The following EPB41 variants were observed in gnomAD, a reference collection of about 807,000 sequenced individuals.
EPB41 encodes protein 4.1.
In EPB41, 65 loss-of-function variants were observed where a neutral mutation model predicts 108.0. The ratio of observed to expected loss-of-function variants is 0.60; its 90% CI spans 0.49 to 0.74. The LOEUF is 0.74. EPB41 is among the 30% of genes least tolerant of loss of function. The pLI, the probability that EPB41 is intolerant of heterozygous loss-of-function variation, is 0.00. For synonymous variants in EPB41, 336 were observed against 358.9 expected, an observed-to-expected ratio of 0.94 and a Z score of 0.72; for missense variants, 875 against 1,037.0, an observed-to-expected ratio of 0.84 and a Z score of 2.15.
chr1:28,940,512 C>T (rs537595470), intron 1 of EPB41, among the ~76,000 whole-genome samples: 1 of 152,090 alleles, frequency 6.6e-6, no homozygotes, highest in African/African-American at 2.4e-5. Context: ...ATTAGCCGGG[C>T]GTGGTGGCGG....
intron 16 of EPB41, chr1:29,068,690 C>T (rs1194950339): frequency 2.6e-6 from 3 of 1,176,252 alleles, no homozygotes; most frequent in Non-Finnish European, 3.2e-6. Context: ...ATTGTTGTTG[C>T]ATTGCAAGGC....
chr1:28,982,278 C>G, intron 1 of EPB41: 1 of 541,200 alleles, frequency 1.8e-6, no homozygotes, highest in South Asian at 1.6e-5. Flanking sequence ...AACAAAGCAT[C>G]TAAAACCACA....
In EPB41 at chr1:29,116,843, C is replaced by T. The variant is rs771435427; in HGVS notation, c.*31C>T. On this transcript the variant is annotated 3_prime_UTR_variant, in exon 21 of 21. Transcript: ENST00000343067. Reference sequence around the variant, plus strand: ...GGAACTAACCTACCCCAACTCTGCCCTTCTCCCATCCAAGAGAAACCAGCA... The same window carrying T: ...GGAACTAACCTACCCCAACTCTGCCTTTCTCCCATCCAAGAGAAACCAGCA... The T allele has an allele frequency of 3.9e-5, 6 of 152,168 alleles. No homozygotes were observed. Among genetic ancestry groups the T allele is most frequent in the Admixed American group, 1.3e-4 (2 of 15,272 alleles). 9.4% of individuals were successfully genotyped at this position (152,168 alleles called of 1,614,324 possible).
intron 11 of EPB41, among the ~76,000 whole-genome samples, chr1:29,043,569 A>T (rs1276048565): frequency 1.3e-5 from 2 of 152,244 alleles, no homozygotes; most frequent in Non-Finnish European, 2.9e-5. Flanking sequence ...TAGCTCACAT[A>T]TCAGACAGCA....
chr1:28,992,108 CAGT>C (rs2096035876), intron 2 of EPB41, among the ~76,000 whole-genome samples: 2 of 152,094 alleles, frequency 1.3e-5, no homozygotes, highest in South Asian at 4.1e-4. Context: ...ATATGAAAGA[CAGT>C]AGAGCGGGCA....
intron 10 of EPB41, among the ~76,000 whole-genome samples, chr1:29,038,163 AT>A (rs1640208794): frequency 3.3e-5 from 5 of 152,366 alleles, no homozygotes; most frequent in African/African-American, 1.2e-4. Flanking sequence ...AAGGAAATTA[AT>A]ATTTCAATTA....
intron 1 of EPB41, among the ~76,000 whole-genome samples, chr1:28,898,875 T>C (rs183440736): frequency 5.6e-4 from 86 of 152,292 alleles, no homozygotes; most frequent in Non-Finnish European, 1.0e-3. Context: ...ATTTAGAAAA[T>C]AGCTTTATTT....
chr1:29,006,657 T>C (rs1412157994), intron 4 of EPB41, among the ~76,000 whole-genome samples: 4 of 152,002 alleles, frequency 2.6e-5, no homozygotes, highest in Admixed American at 2.0e-4. Flanking sequence ...CAACCCCTTA[T>C]CAGTTGTTAC....
At chr1:28,913,411 C>G (rs2092363215), upstream of EPB41, among the ~76,000 whole-genome samples, 1 of 152,088 alleles carries the variant, frequency 6.6e-6, no homozygotes, top group Non-Finnish European at 1.5e-5. Context: ...GCACTCCAGC[C>G]TGGTGACAGA....
rs577438048 is a variant in EPB41 at position 29,051,676 on chromosome 1, C to G, written c.1637-1428C>G. On this transcript the variant is annotated intron_variant, in intron 11 of 20. Transcript: ENST00000343067. ...CTTTGGGAGGCCAAGGCAGGCAGATCACTTGAGGTCAGGAGTTCAAGACCA... is the reference window on the plus strand; with the variant it reads ...CTTTGGGAGGCCAAGGCAGGCAGATGACTTGAGGTCAGGAGTTCAAGACCA... Among the ~76,000 whole-genome samples the G allele has an allele frequency of 2.6e-5, 4 of 152,124 alleles. No homozygotes were observed. The South Asian group carries it at 8.3e-4, about 32-fold the overall frequency.
rs561999222 is a variant in EPB41 at position 28,958,577 on chromosome 1, C to T, written c.-7-28854C>T. The stretch of plus-strand genomic sequence containing the variant: ...CTGTAATCCCAGCACTTTGGGAGGC[C>T]GAGGCGGGTGGATCACTTGAGGTCA... On this transcript the variant is annotated intron_variant, in intron 1 of 20. Coordinates refer to ENST00000343067, the MANE Select transcript of EPB41 (RefSeq NM_001376013.1). Among the ~76,000 whole-genome samples, 9 of 151,900 alleles carry T rather than the reference C, an allele frequency of 5.9e-5. No individual in the cohort carries two copies. The East Asian group carries it at 9.7e-4, about 16-fold the overall frequency.
At chr1:28,970,883 C>T (rs1012428548) in intron 1 of EPB41, among the ~76,000 whole-genome samples, 68 of 152,342 alleles carry the variant, frequency 4.5e-4, no homozygotes, top group African/African-American at 1.4e-3. Flanking sequence ...GAGTCTTGCT[C>T]TGTCGCCCAG....
At chr1:28,921,959 T>TAC (rs1377328452) in intron 1 of EPB41, among the ~76,000 whole-genome samples, 1 of 114,852 alleles carries the variant, frequency 8.7e-6, no homozygotes, top group African/African-American at 3.4e-5. Context: ...TATATATATA[T>TAC]ATACACTTTT....
At position 29,109,384 on chromosome 1, in the gene EPB41, C is replaced by T. The variant is rs1668397912; in HGVS notation, c.2362C>T (p.Gln788Ter). 6.2e-7 allele frequency: 1 copy of T among 1,613,964 alleles called. No homozygotes were observed. Among genetic ancestry groups the T allele is most frequent in the Non-Finnish European group, 8.5e-7 (1 of 1,180,012 alleles). The change falls in exon 18 of 21, where the codon CAA (glutamine) becomes TAA (stop). Residue 788 changes from glutamine to a stop codon, truncating the protein, a stop_gained. Transcript: ENST00000343067. LOFTEE classifies it high-confidence loss of function. ...DLDPGVLLTAQTITSETPSST... is the reference protein window; with the variant it reads ...DLDPGVLLTA Reference sequence around the variant, plus strand: ...GGACCCAGGAGTCTTGCTGACAGCTCAAACTATCACATCTGAGACCCCAAG... The same window carrying T: ...GGACCCAGGAGTCTTGCTGACAGCTTAAACTATCACATCTGAGACCCCAAG...
At chr1:29,028,195 T>C (rs1315042475) in intron 7 of EPB41, among the ~76,000 whole-genome samples, 2 of 152,226 alleles carry the variant, frequency 1.3e-5, no homozygotes, top group Admixed American at 1.3e-4. Context: ...AATTTAAATC[T>C]GTATTCAAAT....
Position 29,053,488 on chromosome 1 carries a change from A to G in EPB41, c.1845+176A>G. 8.0e-6 allele frequency: 6 copies of G among 747,898 alleles called. No individual in the cohort carries two copies. The South Asian group carries it at 9.4e-5, about 12-fold the overall frequency. The allele number at this position is 747,898 out of a possible 1,614,324, so 46.3% of individuals were successfully genotyped here. ...ACCTATAAAATATTTTCGTAGAGTT[A>G]TGTCAGTAAGACTGTAAGCTATCTC... On this transcript the variant is annotated intron_variant, in intron 12 of 20. Transcript: ENST00000343067.
At chr1:29,104,064 C>T (rs967523718) in intron 17 of EPB41, among the ~76,000 whole-genome samples, 3 of 152,188 alleles carry the variant, frequency 2.0e-5, no homozygotes, top group Admixed American at 2.0e-4. Flanking sequence ...TGAACCTGCC[C>T]TGTCACTAGT....
intron 16 of EPB41, among the ~76,000 whole-genome samples, chr1:29,083,968 G>T: frequency 6.6e-6 from 1 of 152,200 alleles, no homozygotes. Flanking sequence ...TAATTTAAGT[G>T]ACTATGATAT....
intron 1 of EPB41, among the ~76,000 whole-genome samples, chr1:28,934,362 C>T (rs1288381576): frequency 1.3e-5 from 2 of 152,086 alleles, no homozygotes; most frequent in African/African-American, 2.4e-5. Context: ...ATACTTTCCC[C>T]CCTTTTCCAT....
Sources: gnomAD v4.1 joint callset for allele counts (sites outside exome capture counted in the v4.1 genomes callset) on GRCh38, gnomAD v4.1.1 for gene constraint, MANE v1.5 for transcripts, NCBI Gene and HGNC (gene_info 2026-07-23, HGNC 2026-07-21) for gene names.